The following PIR variants were observed in gnomAD, a reference collection of about 807,000 sequenced individuals.
PIR encodes the protein pirin (iron-binding nuclear protein).
PIR carries 22 observed loss-of-function variants against 24.2 expected under a neutral mutation model. The ratio of observed to expected loss-of-function variants is 0.91; its 90% CI spans 0.65 to 1.30. The LOEUF (loss-of-function observed/expected upper bound fraction) is 1.30, where lower values mean the gene tolerates loss of function less well. Ranked by LOEUF, PIR falls within the 50% of genes most tolerant of loss-of-function variation. The pLI is 0.00. For synonymous variants in PIR, 80 were observed against 79.6 expected, an observed-to-expected ratio of 1.00 and a Z score of -0.03; for missense variants, 220 against 220.3, an observed-to-expected ratio of 1.00 and a Z score of 0.01.
At chrX:15,418,346 T>C (rs757871504) in intron 6 of PIR, among the ~76,000 whole-genome samples, 1 of 112,368 alleles carries the variant, frequency 8.9e-6, no homozygotes, top group Non-Finnish European at 1.9e-5. Flanking sequence ...TATAGATTTA[T>C]GTCCTTCATA....
chrX:15,400,014 C>T (rs908324893), intron 7 of PIR, among the ~76,000 whole-genome samples: 3 of 111,501 alleles, frequency 2.7e-5, no homozygotes, highest in African/African-American at 9.8e-5. Context: ...GTGCCAATAT[C>T]TGTGGTGTAA....
Position 15,425,961 on chromosome X carries a change from T to C in PIR, c.510A>G (p.Leu170=). 1.7e-6 allele frequency: 2 copies of C among 1,197,394 alleles called. No homozygotes were observed. Among genetic ancestry groups the C allele is most frequent in the Non-Finnish European group, 1.1e-6 (1 of 882,482 alleles). The change falls in exon 6 of 10, where the codon TTA becomes TTG. Residue 170 remains leucine (L), a synonymous_variant. Transcript: ENST00000380420. ...CTGGGTCCAATTTGAAGTCCAAATA[T>C]AAGGTTGGTGTGCGAGTGTAAACCT... is the stretch of plus-strand genomic sequence containing the variant. The part of the protein sequence containing the change: ...KSKVYTRTPT[L]YLDFKLDPGA...
rs893319438 is a variant in PIR, at chrX:15,396,729, T to C, written c.693+720A>G. On this transcript the variant is annotated intron_variant, in intron 8 of 9. Coordinates refer to ENST00000380420, the MANE Select transcript of PIR (RefSeq NM_001018109.3). ...AAATGCATCCTATCTTCCTCTCAGTTCAAAGTGGGGATTCTTTTTTTTTTT... is the reference window on the plus strand; with the variant it reads ...AAATGCATCCTATCTTCCTCTCAGTCCAAAGTGGGGATTCTTTTTTTTTTT... Among the ~76,000 whole-genome samples the C allele has an allele frequency of 4.6e-5, 5 of 109,511 alleles. No individual in the cohort carries two copies. The South Asian group carries it at 2.0e-3, about 43-fold the overall frequency.
chrX:15,488,104 C>A (rs1426712173), intron 2 of PIR, among the ~76,000 whole-genome samples: 2 of 108,678 alleles, frequency 1.8e-5, no homozygotes, highest in Non-Finnish European at 3.8e-5. Flanking sequence ...CATGGAGAAA[C>A]CCCGTCTCTA....
chrX:15,485,822 T>C (rs1382589618), intron 2 of PIR, among the ~76,000 whole-genome samples: 3 of 112,451 alleles, frequency 2.7e-5, no homozygotes, highest in African/African-American at 9.7e-5. Flanking sequence ...AGGAATTCAA[T>C]AGCATGTAAA....
At chrX:15,490,887 T>C (rs1020976364) in intron 2 of PIR, among the ~76,000 whole-genome samples, 7 of 112,276 alleles carry the variant, frequency 6.2e-5, no homozygotes, top group African/African-American at 2.3e-4. Context: ...GCAGATAGCA[T>C]GTCAGCCCAG....
At chrX:15,428,236 T>C (rs1203479025) in intron 5 of PIR, among the ~76,000 whole-genome samples, 1 of 111,503 alleles carries the variant, frequency 9.0e-6, no homozygotes, top group African/African-American at 3.3e-5. Flanking sequence ...GAAACACACA[T>C]AAAAGAAGGG....
In PIR at chrX:15,479,794, A is replaced by G; in HGVS notation, c.124T>C (p.Phe42Leu). Residue 42 changes from phenylalanine (F) to leucine (L), a missense_variant, in exon 3 of 10, where the codon TTT (phenylalanine) becomes CTT (leucine). By Grantham distance (22) the Phe-to-Leu change is conservative (BLOSUM62 0). Transcript: ENST00000380420. ...ELKNLDPFLL[F>L]DEFKGGRPGG... is the part of the protein sequence containing the mutation. ...GGTCTACCTCCTTTAAATTCATCAAACAGTAAAAACGGATCCAGATTTTTT... is the reference window on the plus strand; with the variant it reads ...GGTCTACCTCCTTTAAATTCATCAAGCAGTAAAAACGGATCCAGATTTTTT... 8.5e-7 allele frequency: 1 copy of G among 1,170,228 alleles called. No individual in the cohort carries two copies. Among genetic ancestry groups the G allele is most frequent in the Non-Finnish European group, 1.2e-6 (1 of 864,221 alleles).
intron 3 of PIR, among the ~76,000 whole-genome samples, chrX:15,475,455 T>C (rs1922144094): frequency 1.8e-5 from 2 of 111,422 alleles, no homozygotes; most frequent in Admixed American, 1.9e-4. Context: ...TAAGTTTAAT[T>C]AAACAGGAGT....
chrX:15,465,570 T>C (rs745763923), intron 3 of PIR, among the ~76,000 whole-genome samples: 1 of 112,074 alleles, frequency 8.9e-6, no homozygotes, highest in Non-Finnish European at 1.9e-5. Flanking sequence ...AGTAAGAAAT[T>C]TGTAATCTGA....
rs1193474348 is a variant in PIR, at chrX:15,484,306, C to CTTTTT, written c.97-4490_97-4486dup. On this transcript the variant is annotated intron_variant, in intron 2 of 9. Transcript: ENST00000380420. ...GAGCGGTAGATACAGTCTCAATTTT[C>CTTTTT]TTTTTTTTTTTTTTTTTTTTTTTTT... is the stretch of plus-strand genomic sequence containing the variant. Among the ~76,000 whole-genome samples the CTTTTT allele has an allele frequency of 5.9e-4, 40 of 67,488 alleles. 5 individuals carry two copies. Among genetic ancestry groups the CTTTTT allele is most frequent in the South Asian group, 1.2e-3 (1 of 819 alleles). 58.6% of individuals were successfully genotyped at this position (67,488 alleles called of 115,157 possible).
At chrX:15,454,916 G>A (rs1006567532) in intron 5 of PIR, among the ~76,000 whole-genome samples, 2 of 112,201 alleles carry the variant, frequency 1.8e-5, no homozygotes, top group Middle Eastern at 4.2e-3. Context: ...GGATGGGCTC[G>A]GACATCTCTG....
At chrX:15,455,239 T>C (rs1921035223) in intron 5 of PIR, among the ~76,000 whole-genome samples, 2 of 112,548 alleles carry the variant, frequency 1.8e-5, no homozygotes, top group Non-Finnish European at 3.7e-5. Context: ...CCCACAAATA[T>C]GTCCATAATC....
chrX:15,442,226 A>AT (rs1165591793), intron 5 of PIR, among the ~76,000 whole-genome samples: 2 of 110,844 alleles, frequency 1.8e-5, no homozygotes, highest in Non-Finnish European at 3.8e-5. Context: ...CATTATCACT[A>AT]TATCTATTAT....
chrX:15,471,463 G>C (rs1049519629), intron 3 of PIR, among the ~76,000 whole-genome samples: 7 of 111,868 alleles, frequency 6.3e-5, no homozygotes, highest in Admixed American at 3.8e-4. Context: ...TATAGCTAGA[G>C]ATCAAGCTTG....
At chrX:15,457,347 C>A (rs1921125028) in intron 4 of PIR, among the ~76,000 whole-genome samples, 1 of 111,797 alleles carries the variant, frequency 8.9e-6, no homozygotes, top group South Asian at 3.8e-4. Flanking sequence ...ATACGGGGAC[C>A]ATCACCACCT....
intron 5 of PIR, among the ~76,000 whole-genome samples, chrX:15,451,128 T>C (rs1055595829): frequency 8.9e-6 from 1 of 111,772 alleles, no homozygotes; most frequent in Non-Finnish European, 1.9e-5. Context: ...CCGAGGGACA[T>C]GGGGTCTTCC....
At chrX:15,476,440 C>G (rs1922196422) in intron 3 of PIR, among the ~76,000 whole-genome samples, 1 of 111,580 alleles carries the variant, frequency 9.0e-6, no homozygotes, top group Non-Finnish European at 1.9e-5. Flanking sequence ...CCAGTGCATG[C>G]TTATATTAGT....
chrX:15,419,343 C>CTGTG (rs34664851), intron 6 of PIR, among the ~76,000 whole-genome samples: 8,614 of 78,186 alleles, frequency 0.11, 489 homozygotes, highest in Non-Finnish European at 0.13. Flanking sequence ...ATGGATAAGT[C>CTGTG]TGTGTGTGTG....
Sources: allele counts gnomAD v4.1 joint callset (sites outside exome capture counted in the v4.1 genomes callset), GRCh38; gene constraint gnomAD v4.1.1; transcripts MANE v1.5; gene names NCBI Gene and HGNC (gene_info 2026-07-23, HGNC 2026-07-21).